Variants in SCHIP1 observed in about 807,000 individuals in gnomAD.
The protein encoded by SCHIP1 is schwannomin-interacting protein 1.
In SCHIP1, 8 loss-of-function variants were observed where a neutral mutation model predicts 29.7. The observed-to-expected ratio is 0.27, with a 90% CI of 0.16 to 0.49. The LOEUF is 0.49. Ranked by LOEUF, SCHIP1 falls within the 20% of genes least tolerant of loss-of-function variation. The pLI, the probability that SCHIP1 is intolerant of heterozygous loss-of-function variation, is 0.99. For missense variants in SCHIP1, 193 were observed against 294.6 expected (o/e 0.66, Z 2.52); for synonymous variants, 76 against 94.9 (o/e 0.80, Z 1.16).
the SCHIP1 span, among the ~76,000 whole-genome samples, chr3:159,650,419 A>G: frequency 6.6e-6 from 1 of 152,136 alleles, no homozygotes; most frequent in African/African-American, 2.4e-5. Context: ...TATTCACAAA[A>G]TTTATTTTAT....
the SCHIP1 span, among the ~76,000 whole-genome samples, chr3:159,755,927 G>A: frequency 1.9e-4 from 29 of 152,368 alleles, 1 homozygote; most frequent in African/African-American, 7.0e-4. Context: ...ACTGATGCAA[G>A]AGGTGGGTTC....
chr3:159,386,785 T>C, the SCHIP1 span: 1 of 152,366 alleles, frequency 6.6e-6, no homozygotes, highest in African/African-American at 2.4e-5. Context: ...AGAACTTGGG[T>C]CCTGTGTGTG....
At position 159,871,296 on chromosome 3, in the gene SCHIP1, G is replaced by A. The variant is rs151073309; in HGVS notation, c.149+5015G>A. ...CCTGACCACCCTATTAAAAGTAAAC[G>A]TTCTCGTACCCATCACTTTGTCCGG... On this transcript the variant is annotated intron_variant, in intron 2 of 6. Coordinates refer to ENST00000445224, the Ensembl canonical transcript of SCHIP1. Among the ~76,000 whole-genome samples the A allele has an allele frequency of 8.4e-3, 1,045 of 124,028 alleles. 3 individuals carry two copies. Among genetic ancestry groups the A allele is most frequent in the South Asian group, 0.034 (133 of 3,922 alleles). 81.4% of individuals were successfully genotyped at this position (124,028 alleles called of 152,430 possible). A position where few individuals can be genotyped will look rare whatever the true frequency, so the allele number is the denominator to read the frequency against.
At chr3:159,712,845 A>G in the SCHIP1 span, among the ~76,000 whole-genome samples, 5 of 150,876 alleles carry the variant, frequency 3.3e-5, no homozygotes, top group African/African-American at 1.2e-4. Context: ...AGAAAGAAAG[A>G]AAGAGAGAGA....
chr3:159,278,373 A>C, the SCHIP1 span, among the ~76,000 whole-genome samples: 1 of 152,164 alleles, frequency 6.6e-6, no homozygotes, highest in African/African-American at 2.4e-5. Context: ...GATCTATTTG[A>C]GAAGGGAAAA....
the SCHIP1 span, among the ~76,000 whole-genome samples, chr3:159,378,113 T>C: frequency 6.6e-6 from 1 of 152,250 alleles, no homozygotes; most frequent in Non-Finnish European, 1.5e-5. Flanking sequence ...TTTTCTTAGG[T>C]GACTTCAGGC....
At chr3:159,662,297 C>A in the SCHIP1 span, among the ~76,000 whole-genome samples, 1 of 152,216 alleles carries the variant, frequency 6.6e-6, no homozygotes, top group African/African-American at 2.4e-5. Flanking sequence ...TTCAGGTGGG[C>A]TCTTGCTATT....
At chr3:159,804,083 A>C in the SCHIP1 span, among the ~76,000 whole-genome samples, 1 of 152,236 alleles carries the variant, frequency 6.6e-6, no homozygotes, top group African/African-American at 2.4e-5. Context: ...ACCTAAGGAA[A>C]GCAGAGAGGT....
chr3:159,737,932 T>A, the SCHIP1 span, among the ~76,000 whole-genome samples: 1 of 152,160 alleles, frequency 6.6e-6, no homozygotes, highest in Non-Finnish European at 1.5e-5. Flanking sequence ...CCCCACATGA[T>A]GCTTTGCCTT....
the SCHIP1 span, among the ~76,000 whole-genome samples, chr3:159,579,005 A>G: frequency 3.3e-5 from 5 of 152,212 alleles, no homozygotes; most frequent in African/African-American, 1.2e-4. Flanking sequence ...TCCATTGGAC[A>G]ATACTGATCT....
chr3:159,822,338 G>A, the SCHIP1 span, among the ~76,000 whole-genome samples: 1 of 152,088 alleles, frequency 6.6e-6, no homozygotes, highest in African/African-American at 2.4e-5. Flanking sequence ...GTACAGAATG[G>A]TGAAAAGTGG....
At chr3:159,892,377 T>C in intron 6 of SCHIP1, 187 bp downstream of exon 7, 1 of 647,176 alleles carries the variant, frequency 1.5e-6, no homozygotes, top group East Asian at 2.7e-5. Flanking sequence ...AAATGCATGC[T>C]TTTTAGCAAC....
the SCHIP1 span, among the ~76,000 whole-genome samples, chr3:159,795,926 A>C: frequency 6.6e-6 from 1 of 152,184 alleles, no homozygotes; most frequent in Admixed American, 6.5e-5. Context: ...GTAGCATTTG[A>C]TGTGCAGATT....
At chr3:159,896,999 C>T (rs1718120178) in exon 7 of SCHIP1, 2 of 372,568 alleles carry the variant, frequency 5.4e-6, no homozygotes, top group Admixed American at 8.9e-5. Context: ...AAAAAATGTA[C>T]AGTACTGACA....
chr3:159,621,739 C>A, the SCHIP1 span, among the ~76,000 whole-genome samples: 1 of 152,164 alleles, frequency 6.6e-6, no homozygotes, highest in East Asian at 1.9e-4. Flanking sequence ...GATCTCGTCC[C>A]ACTGCAATCT....
chr3:159,709,094 G>A, the SCHIP1 span, among the ~76,000 whole-genome samples: 13 of 151,802 alleles, frequency 8.6e-5, no homozygotes, highest in Non-Finnish European at 1.3e-4. Flanking sequence ...GTGCTGGTAA[G>A]TGTAGTGTAC....
the SCHIP1 span, among the ~76,000 whole-genome samples, chr3:159,683,772 C>T: frequency 6.6e-6 from 1 of 152,210 alleles, no homozygotes; most frequent in Non-Finnish European, 1.5e-5. Flanking sequence ...TTCCATTCAA[C>T]CAGAGCTCCA....
chr3:159,821,409 C>A, the SCHIP1 span, among the ~76,000 whole-genome samples: 1 of 152,106 alleles, frequency 6.6e-6, no homozygotes, highest in African/African-American at 2.4e-5. Context: ...TAAATGAGAC[C>A]AGTTAGTGTG....
At chr3:159,470,739 C>T in the SCHIP1 span, among the ~76,000 whole-genome samples, 1 of 152,118 alleles carries the variant, frequency 6.6e-6, no homozygotes, top group Non-Finnish European at 1.5e-5. Context: ...ATTTCATCAA[C>T]TGTCGAACCA....
Sources: gnomAD v4.1 joint callset for allele counts (sites outside exome capture counted in the v4.1 genomes callset) on GRCh38, gnomAD v4.1.1 for gene constraint, MANE v1.5 for transcripts, NCBI Gene and HGNC (gene_info 2026-07-23, HGNC 2026-07-21) for gene names.